SRPK2: variants seen among roughly 807,000 people sequenced by gnomAD.
SRPK2 encodes the protein SFRS protein kinase 2.
A neutral mutation model predicts 90.8 loss-of-function variants in SRPK2; 21 were observed. The observed-to-expected ratio is 0.23, with a 90% CI of 0.16 to 0.33. SRPK2 has a LOEUF of 0.33. Among genes scored for constraint, SRPK2 ranks in the 10% least tolerant of loss-of-function variants. The pLI is 1.00. For synonymous variants in SRPK2, 288 were observed against 311.1 expected (o/e 0.93, Z 0.78); for missense variants, 620 against 869.0 (o/e 0.71, Z 3.60).
At chr7:105,213,184 A>G (rs1053023386) in intron 2 of SRPK2, among the ~76,000 whole-genome samples, 4 of 152,158 alleles carry the variant, frequency 2.6e-5, no homozygotes, top group African/African-American at 9.7e-5. Flanking sequence ...GAAATACTGT[A>G]CCATTCATTT....
chr7:105,345,046 G>T (rs1816292851), intron 2 of SRPK2, among the ~76,000 whole-genome samples: 1 of 151,988 alleles, frequency 6.6e-6, no homozygotes, highest in Non-Finnish European at 1.5e-5. Flanking sequence ...TGAGGCAGAA[G>T]AATCACTTGA....
intron 2 of SRPK2, among the ~76,000 whole-genome samples, chr7:105,317,879 G>C (rs1372121385): frequency 1.3e-5 from 2 of 151,996 alleles, no homozygotes; most frequent in Non-Finnish European, 2.9e-5. Flanking sequence ...CTCACAAGTA[G>C]CTGGGACTAT....
intron 3 of SRPK2, among the ~76,000 whole-genome samples, chr7:105,200,923 C>T (rs552164236): frequency 6.2e-4 from 95 of 152,106 alleles, no homozygotes; most frequent in Non-Finnish European, 1.2e-3. Context: ...CTGATAAGCC[C>T]GAGGTCTGAA....
intron 11 of SRPK2, among the ~76,000 whole-genome samples, chr7:105,134,790 C>T (rs948045094): frequency 6.6e-6 from 1 of 152,220 alleles, no homozygotes; most frequent in Non-Finnish European, 1.5e-5. Flanking sequence ...GAATTCTGAC[C>T]AGTATCTTAA....
chr7:105,199,720 T>C (rs189811925), intron 3 of SRPK2, among the ~76,000 whole-genome samples: 1 of 152,214 alleles, frequency 6.6e-6, no homozygotes, highest in East Asian at 1.9e-4. Context: ...AGGTATCAGA[T>C]TAATAAACTC....
intron 2 of SRPK2, among the ~76,000 whole-genome samples, chr7:105,270,695 C>T (rs1805724095): frequency 6.6e-6 from 1 of 151,702 alleles, no homozygotes; most frequent in Non-Finnish European, 1.5e-5. Context: ...AGGTATGAGC[C>T]ACAGCACCAG....
intron 2 of SRPK2, among the ~76,000 whole-genome samples, chr7:105,273,758 C>A (rs1806141098): frequency 6.6e-6 from 1 of 152,190 alleles, no homozygotes; most frequent in Non-Finnish European, 1.5e-5. Flanking sequence ...TAACGACAGG[C>A]ACCTGAATGT....
intron 2 of SRPK2, among the ~76,000 whole-genome samples, chr7:105,305,450 T>C (rs1585632249): frequency 6.6e-6 from 1 of 152,072 alleles, no homozygotes; most frequent in African/African-American, 2.4e-5. Context: ...CAAAAAAAAT[T>C]TTCTGCTGCC....
intron 2 of SRPK2, among the ~76,000 whole-genome samples, chr7:105,236,129 A>C (rs980498450): frequency 1.3e-5 from 2 of 152,160 alleles, no homozygotes; most frequent in African/African-American, 4.8e-5. Context: ...GTAGGGTCTG[A>C]GAAGGTGCCT....
chr7:105,262,471 C>G (rs972547475), intron 2 of SRPK2, among the ~76,000 whole-genome samples: 15 of 152,146 alleles, frequency 9.9e-5, no homozygotes, highest in Non-Finnish European at 1.8e-4. Flanking sequence ...AACTGCGGCT[C>G]TGATTTACAT....
intron 2 of SRPK2, among the ~76,000 whole-genome samples, chr7:105,209,252 GA>G (rs1168860876): frequency 6.6e-6 from 1 of 152,096 alleles, no homozygotes; most frequent in African/African-American, 2.4e-5. Flanking sequence ...GAAATATAAA[GA>G]AATATACCAC....
At chr7:105,252,666 A>C (rs1188420352) in intron 2 of SRPK2, among the ~76,000 whole-genome samples, 2 of 152,096 alleles carry the variant, frequency 1.3e-5, no homozygotes, top group Non-Finnish European at 2.9e-5. Flanking sequence ...ATGATACTTT[A>C]TATATCCATT....
chr7:105,255,634 G>A (rs148488656), intron 2 of SRPK2, among the ~76,000 whole-genome samples: 2,657 of 152,178 alleles, frequency 0.017, 28 homozygotes, highest in Non-Finnish European at 0.025. Flanking sequence ...TATCCAAGTT[G>A]AGAAACGCAC....
rs1419759121 is a variant in SRPK2 at position 105,151,991 on chromosome 7, T to C, written c.622-5333A>G. On this transcript the variant is annotated intron_variant, in intron 7 of 15. Coordinates refer to ENST00000393651, the MANE Select transcript of SRPK2 (RefSeq NM_182692.3). ...GTGAGCTGAGATCGTGTCACCACAC[T>C]CCAGTATGGGCAACAGAGTGAGGTT... is the stretch of plus-strand genomic sequence containing the variant. Among the ~76,000 whole-genome samples, 10 of 143,800 alleles carry C rather than the reference T, an allele frequency of 7.0e-5. No homozygotes were observed. In the Admixed American group the frequency reaches 7.1e-4, roughly 10 times the overall value. 94.3% of individuals were successfully genotyped at this position (143,800 alleles called of 152,430 possible).
At chr7:105,122,183 G>A (rs1464327854) in intron 15 of SRPK2, among the ~76,000 whole-genome samples, 1 of 152,136 alleles carries the variant, frequency 6.6e-6, no homozygotes, top group Non-Finnish European at 1.5e-5. Context: ...ATGCCTCAGA[G>A]CTAAAACTAA....
At chr7:105,331,324 A>AAAAAAAC (rs1814336501) in intron 2 of SRPK2, among the ~76,000 whole-genome samples, 4 of 131,436 alleles carry the variant, frequency 3.0e-5, no homozygotes, top group African/African-American at 8.0e-5. Flanking sequence ...AAAAAAAAAA[A>AAAAAAAC]AAAAAAAAAA....
In SRPK2 at chr7:105,184,619, C is replaced by G. The variant is rs1013206283; in HGVS notation, c.230-15354G>C. On this transcript the variant is annotated intron_variant, in intron 3 of 15. Transcript: ENST00000393651. The stretch of plus-strand genomic sequence containing the variant: ...GCTAGAAGCTTTTAACTTCAGTGTT[C>G]AAAAGAACAATATTCCCTCAGTGCT... 2.0e-5 allele frequency among the ~76,000 whole-genome samples: 3 copies of G among 152,200 alleles called. No individual in the cohort carries two copies. In the East Asian group the frequency reaches 5.8e-4, roughly 29 times the overall value.
intron 3 of SRPK2, among the ~76,000 whole-genome samples, chr7:105,185,672 A>G (rs1793487829): frequency 2.0e-5 from 3 of 152,250 alleles, no homozygotes; most frequent in South Asian, 2.1e-4. Context: ...TACAAAAAGA[A>G]TAAGTAAAAG....
rs957915710 is a variant in SRPK2, at chr7:105,281,056, CTTCT to C, written c.72-77275_72-77272del. 2.7e-5 allele frequency among the ~76,000 whole-genome samples: 4 copies of C among 147,476 alleles called. No individual in the cohort carries two copies. In the East Asian group the frequency reaches 6.1e-4, roughly 22 times the overall value. On this transcript the variant is annotated intron_variant, in intron 2 of 15. Transcript: ENST00000393651. The stretch of plus-strand genomic sequence containing the variant: ...ACATTAACTTTCAACCCATTTCTTC[CTTCT>C]TTTTTTTCTTTTTGTTGTTGTATTT...
Sources: allele counts gnomAD v4.1 joint callset (sites outside exome capture counted in the v4.1 genomes callset), GRCh38; gene constraint gnomAD v4.1.1; transcripts MANE v1.5; gene names NCBI Gene and HGNC (gene_info 2026-07-23, HGNC 2026-07-21).